The following IL1RAPL2 variants were observed in gnomAD, a reference collection of about 807,000 sequenced individuals.
IL1RAPL2 encodes the protein X-linked interleukin-1 receptor accessory protein-like 2.
In IL1RAPL2, 3 loss-of-function variants were observed where a neutral mutation model predicts 44.1. The ratio of observed to expected loss-of-function variants is 0.07; its 90% confidence interval spans 0.03 to 0.18. The LOEUF (loss-of-function observed/expected upper bound fraction) is 0.18, where lower values mean the gene tolerates loss of function less well. Ranked by LOEUF, IL1RAPL2 falls within the 10% of genes least tolerant of loss-of-function variation. The pLI is 1.00. For synonymous variants in IL1RAPL2, 181 were observed against 178.8 expected (o/e 1.01, Z -0.10); for missense variants, 391 against 496.4 (o/e 0.79, Z 2.02).
intron 2 of IL1RAPL2, among the ~76,000 whole-genome samples, chrX:104,723,655 C>T (rs1301601694): frequency 9.1e-6 from 1 of 110,339 alleles, no homozygotes; most frequent in Non-Finnish European, 1.9e-5. Flanking sequence ...AGAGAAATGA[C>T]AAGGAATTTG....
intron 6 of IL1RAPL2, among the ~76,000 whole-genome samples, chrX:105,654,993 G>C (rs965532197): frequency 8.9e-6 from 1 of 112,253 alleles, no homozygotes; most frequent in African/African-American, 3.2e-5. Context: ...CCCGGGAAGT[G>C]TGAATTTTTC....
chrX:104,627,787 G>C (rs1321623324), intron 1 of IL1RAPL2, among the ~76,000 whole-genome samples: 3 of 110,990 alleles, frequency 2.7e-5, no homozygotes, highest in Non-Finnish European at 5.7e-5. Context: ...TGATAGAGGA[G>C]GTTTAAACCA....
At chrX:105,592,844 C>T (rs1467325204) in intron 6 of IL1RAPL2, among the ~76,000 whole-genome samples, 1 of 111,695 alleles carries the variant, frequency 9.0e-6, no homozygotes, top group African/African-American at 3.3e-5. Flanking sequence ...TGCCCCATCT[C>T]TCTAGCTGCC....
At chrX:105,351,023 A>G (rs1160254858) in intron 5 of IL1RAPL2, among the ~76,000 whole-genome samples, 1 of 112,066 alleles carries the variant, frequency 8.9e-6, no homozygotes, top group Admixed American at 9.5e-5. Context: ...ATATGAAAAA[A>G]GCTCATCATC....
intron 2 of IL1RAPL2, among the ~76,000 whole-genome samples, chrX:105,027,818 C>T (rs1450859369): frequency 9.0e-6 from 1 of 111,573 alleles, no homozygotes; most frequent in East Asian, 2.8e-4. Context: ...CCAGCAATCT[C>T]ACTGCTGGGC....
intron 2 of IL1RAPL2, among the ~76,000 whole-genome samples, chrX:105,127,881 G>A (rs1234230512): frequency 9.0e-6 from 1 of 110,793 alleles, no homozygotes; most frequent in Non-Finnish European, 1.9e-5. Flanking sequence ...AAATAGGTAA[G>A]CAAAAACTAC....
intron 2 of IL1RAPL2, among the ~76,000 whole-genome samples, chrX:104,883,241 G>A (rs762503967): frequency 1.8e-5 from 2 of 111,175 alleles, no homozygotes; most frequent in Non-Finnish European, 3.8e-5. Context: ...CTTAGAATTC[G>A]GGAGCTAAAT....
chrX:104,965,120 A>T (rs2030094324), intron 2 of IL1RAPL2, among the ~76,000 whole-genome samples: 1 of 112,148 alleles, frequency 8.9e-6, no homozygotes, highest in African/African-American at 3.2e-5. Context: ...TATCTCAGTT[A>T]TCTACCACCT....
intron 6 of IL1RAPL2, among the ~76,000 whole-genome samples, chrX:105,630,500 CT>C (rs369815453): frequency 3.1e-3 from 291 of 92,563 alleles, no homozygotes; most frequent in Middle Eastern, 5.9e-3. Context: ...AAATTCAGAG[CT>C]TTTTTTTTTT....
At chrX:105,725,143 C>T (rs998192771) in intron 7 of IL1RAPL2, among the ~76,000 whole-genome samples, 1 of 111,532 alleles carries the variant, frequency 9.0e-6, no homozygotes, top group Non-Finnish European at 1.9e-5. Context: ...AAAGACTCCA[C>T]GAATTTCAAG....
chrX:104,853,881 C>T (rs920093633), intron 2 of IL1RAPL2, among the ~76,000 whole-genome samples: 10 of 79,261 alleles, frequency 1.3e-4, no homozygotes, highest in Non-Finnish European at 2.0e-4. Context: ...CCAGCCTGGG[C>T]GACAGAGCGA....
chrX:105,686,475 G>T (rs2037977641), intron 6 of IL1RAPL2, among the ~76,000 whole-genome samples: 1 of 107,686 alleles, frequency 9.3e-6, no homozygotes, highest in Non-Finnish European at 1.9e-5. Context: ...AGACAAAGAA[G>T]GCCATTACAT....
intron 2 of IL1RAPL2, among the ~76,000 whole-genome samples, chrX:104,674,207 C>T (rs1157095760): frequency 8.9e-6 from 1 of 111,958 alleles, no homozygotes; most frequent in Non-Finnish European, 1.9e-5. Flanking sequence ...CCAGTTTTTG[C>T]CCATTCAGTA....
Position 104,855,681 on chromosome X carries a change from G to GTGT in IL1RAPL2, c.82+196687_82+196688insGTT. Among the ~76,000 whole-genome samples the GTGT allele has an allele frequency of 1.3e-4, 7 of 53,880 alleles. 1 individual carries two copies. Among genetic ancestry groups the GTGT allele is most frequent in the East Asian group, 5.8e-4 (1 of 1,710 alleles). 46.8% of individuals were successfully genotyped at this position (53,880 alleles called of 115,157 possible). On this transcript the variant is annotated intron_variant, in intron 2 of 10. Coordinates refer to ENST00000372582, the MANE Select transcript of IL1RAPL2 (RefSeq NM_017416.2). ...TTAACTGTGCTAAGGATCTGGATCC[G>GTGT]TTTTTTTTTTTTTTTTTACTGTATC...
At chrX:104,815,690 A>T (rs1281823496) in intron 2 of IL1RAPL2, among the ~76,000 whole-genome samples, 2 of 111,666 alleles carry the variant, frequency 1.8e-5, no homozygotes, top group African/African-American at 6.5e-5. Context: ...GATTTAAGAC[A>T]TAGTATAAGA....
At chrX:104,940,795 G>A (rs1179399042) in intron 2 of IL1RAPL2, among the ~76,000 whole-genome samples, 1 of 108,280 alleles carries the variant, frequency 9.2e-6, no homozygotes, top group Non-Finnish European at 1.9e-5. Context: ...TCTTATGTAT[G>A]TATACATGTG....
intron 6 of IL1RAPL2, among the ~76,000 whole-genome samples, chrX:105,515,652 C>A (rs2036507635): frequency 9.0e-6 from 1 of 111,553 alleles, no homozygotes; most frequent in African/African-American, 3.3e-5. Context: ...AGGATCTGAG[C>A]TGGGCTCCTA....
chrX:105,112,542 T>G (rs1367561721), intron 2 of IL1RAPL2, among the ~76,000 whole-genome samples: 1 of 112,608 alleles, frequency 8.9e-6, no homozygotes, highest in Non-Finnish European at 1.9e-5. Context: ...ATAAAGGTAT[T>G]ATATAGAAAA....
chrX:104,623,236 G>A lies in IL1RAPL2; in HGVS notation c.-19-35659G>A, dbSNP rs956418844. ...GTACTTATCTAGGTTAAAGGAAACAGTAGTAGCTTGACCTCTAGATATTTG... is the reference window on the plus strand; with the variant it reads ...GTACTTATCTAGGTTAAAGGAAACAATAGTAGCTTGACCTCTAGATATTTG... On this transcript the variant is annotated intron_variant, in intron 1 of 10. Coordinates refer to ENST00000372582, the MANE Select transcript of IL1RAPL2 (RefSeq NM_017416.2). Among the ~76,000 whole-genome samples, 5 of 110,660 alleles carry A rather than the reference G, an allele frequency of 4.5e-5. 1 individual carries two copies. In the Admixed American group the frequency reaches 4.9e-4, roughly 11 times the overall value.
Sources: allele counts gnomAD v4.1 joint callset (sites outside exome capture counted in the v4.1 genomes callset), GRCh38; gene constraint gnomAD v4.1.1; transcripts MANE v1.5; gene names NCBI Gene and HGNC (gene_info 2026-07-23, HGNC 2026-07-21).